The following KATNAL2 variants were observed in gnomAD, a reference collection of about 807,000 sequenced individuals.
KATNAL2 encodes the protein katanin p60 ATPase-containing subunit A-like 2.
A neutral mutation model predicts 76.3 loss-of-function variants in KATNAL2; 52 were observed. The ratio of observed to expected loss-of-function variants is 0.68; its 90% CI spans 0.55 to 0.86. The LOEUF is 0.86. Among genes scored for constraint, KATNAL2 ranks in the 40% least tolerant of loss-of-function variants. KATNAL2 has a pLI of 0.00. For missense variants in KATNAL2, 660 were observed against 668.9 expected (o/e 0.99, Z 0.15); for synonymous variants, 243 against 244.2 (o/e 1.00, Z 0.05).
chr18:47,038,672 C>T (rs1353032671), intron 3 of KATNAL2, among the ~76,000 whole-genome samples: 1 of 152,040 alleles, frequency 6.6e-6, no homozygotes, highest in Non-Finnish European at 1.5e-5. Context: ...AATACCTTAC[C>T]AAATCTGGAT....
intron 11 of KATNAL2, among the ~76,000 whole-genome samples, chr18:47,068,195 T>G (rs906484916): frequency 6.6e-6 from 1 of 152,244 alleles, no homozygotes; most frequent in African/African-American, 2.4e-5. Flanking sequence ...CATTTCTTGA[T>G]GAAAGGAGCT....
At chr18:46,928,463 A>G (rs1033146535) in intron 1 of KATNAL2, among the ~76,000 whole-genome samples, 1 of 152,096 alleles carries the variant, frequency 6.6e-6, no homozygotes, top group Non-Finnish European at 1.5e-5. Context: ...TCAGAAGAGT[A>G]CCTGGCCGTG....
intron 3 of KATNAL2, among the ~76,000 whole-genome samples, chr18:46,948,404 GC>G (rs2059445302): frequency 1.3e-5 from 2 of 150,524 alleles, no homozygotes; most frequent in Non-Finnish European, 3.0e-5. Context: ...GAACCAACAT[GC>G]CTGGCCGACT....
At position 47,095,049 on chromosome 18, in the gene KATNAL2, C is replaced by T. The variant is rs778889063; in HGVS notation, c.1212-4194C>T. 5.9e-5 allele frequency among the ~76,000 whole-genome samples: 9 copies of T among 152,308 alleles called. No homozygotes were observed. The East Asian group carries it at 1.2e-3, about 20-fold the overall frequency. ...GATTATTTCTTGACTTTCTTTACTG[C>T]TGATTTAGAAAGCAGCTTCTCAGTT... On this transcript the variant is annotated intron_variant, in intron 15 of 17. Coordinates refer to ENST00000683218, the MANE Select transcript of KATNAL2 (RefSeq NM_001387690.1).
At chr18:46,943,564 A>G (rs2059305909) in intron 1 of KATNAL2, among the ~76,000 whole-genome samples, 2 of 152,200 alleles carry the variant, frequency 1.3e-5, no homozygotes, top group African/African-American at 4.8e-5. Flanking sequence ...GTTACCCAAT[A>G]TGGTCTAAAA....
At chr18:47,033,981 C>T (rs1478848769) in intron 3 of KATNAL2, 1 of 1,613,596 alleles carries the variant, frequency 6.2e-7, no homozygotes, top group South Asian at 1.1e-5. Context: ...GAGGCAATTT[C>T]TTAGCCGAAT....
At chr18:47,063,958 G>C (rs979939452) in intron 10 of KATNAL2, among the ~76,000 whole-genome samples, 2 of 152,138 alleles carry the variant, frequency 1.3e-5, no homozygotes, top group African/African-American at 4.8e-5. Flanking sequence ...AGATTCCTGA[G>C]TTATAGGGTA....
chr18:47,053,026 T>C lies in KATNAL2; in HGVS notation c.269T>C (p.Val90Ala). The C allele has an allele frequency of 6.2e-7, 1 of 1,604,430 alleles. No homozygotes were observed. Among genetic ancestry groups the C allele is most frequent in the African/African-American group, 1.3e-5 (1 of 74,630 alleles). The change falls in exon 5 of 18, where the codon GTC becomes GCC. Residue 90 changes from valine (V) to alanine (A), a missense_variant. Physicochemically the swap from Val to Ala is moderately conservative, Grantham distance 64. Transcript: ENST00000683218. ...FVKFQKYPKI[V>A]KKSSDTAENN... ...AAATTTCAGAAATACCCCAAAATTG[T>C]CAAAAAGTCATCAGACACAGGTACA...
intron 1 of KATNAL2, among the ~76,000 whole-genome samples, chr18:46,919,597 T>C (rs967938796): frequency 1.5e-4 from 22 of 151,558 alleles, no homozygotes; most frequent in Non-Finnish European, 1.2e-4. Context: ...TGCAGTGAGC[T>C]GCGATCGCAC....
At chr18:46,920,495 A>G (rs1316922297) in intron 1 of KATNAL2, among the ~76,000 whole-genome samples, 1 of 152,156 alleles carries the variant, frequency 6.6e-6, no homozygotes, top group Non-Finnish European at 1.5e-5. Flanking sequence ...CTGCCTCTGT[A>G]CTGGCCAGTT....
At position 47,100,137 on chromosome 18, in the gene KATNAL2, A is replaced by G. The variant is rs1210132368; in HGVS notation, c.1375-117A>G. The G allele has an allele frequency of 7.4e-6, 5 of 680,012 alleles. No homozygotes were observed. The East Asian group carries it at 1.3e-4, about 18-fold the overall frequency. The allele number at this position is 680,012 out of a possible 1,614,324, so 42.1% of individuals were successfully genotyped here. ...ATCTGGGAATCTTTTTAGGATGTTC[A>G]TGGGTGACAGATACAGAATCTACAC... On this transcript the variant is annotated intron_variant, in intron 16 of 17. Coordinates refer to ENST00000683218, the MANE Select transcript of KATNAL2 (RefSeq NM_001387690.1).
chr18:46,928,830 C>T (rs541188021), intron 1 of KATNAL2, among the ~76,000 whole-genome samples: 56 of 152,210 alleles, frequency 3.7e-4, no homozygotes, highest in Non-Finnish European at 4.0e-4. Context: ...GAGTCTCACT[C>T]TGTTGCCCAG....
rs1314411444 is a variant in KATNAL2 at position 47,059,626 on chromosome 18, G to C, written c.521G>C (p.Ser174Thr). 1.2e-6 allele frequency: 2 copies of C among 1,613,610 alleles called. No homozygotes were observed. The highest frequency in any genetic ancestry group is 1.3e-5 in the African/African-American group (1 of 75,054). ...GLHISRIRKD[S>T]GEENAHPRRG... ...CATATATCAAGAATCCGTAAAGACA[G>C]TGGAGAGGAAAATGCCCACCCACGA... The change falls in exon 8 of 18, where the codon AGT (serine) becomes ACT (threonine). Residue 174 changes from serine to threonine, a missense_variant. By Grantham distance (58) the Ser-to-Thr change is moderately conservative. Transcript: ENST00000683218.
At chr18:47,041,325 C>A (rs1010369092) in intron 3 of KATNAL2, among the ~76,000 whole-genome samples, 1 of 152,126 alleles carries the variant, frequency 6.6e-6, no homozygotes, top group African/African-American at 2.4e-5. Context: ...AGAATGGTTT[C>A]GCTGCCCTAG....
chr18:46,928,783 A>T (rs571954149), intron 1 of KATNAL2, among the ~76,000 whole-genome samples: 1 of 151,858 alleles, frequency 6.6e-6, no homozygotes, highest in East Asian at 1.9e-4. Context: ...ACCAGAAACA[A>T]CTTTTGATCT....
chr18:46,926,042 G>A (rs946747087), intron 1 of KATNAL2, among the ~76,000 whole-genome samples: 2 of 152,072 alleles, frequency 1.3e-5, no homozygotes, highest in African/African-American at 4.8e-5. Context: ...CCAGCTCCTG[G>A]ATTCATTAAT....
chr18:47,033,242 C>T, intron 3 of KATNAL2: 1 of 1,613,790 alleles, frequency 6.2e-7, no homozygotes, highest in African/African-American at 1.3e-5. Context: ...GGCTTGGAGG[C>T]TGGCTTGATC....
At chr18:47,054,720 C>G (rs772909370) in intron 6 of KATNAL2, 1 of 352,196 alleles carries the variant, frequency 2.8e-6, no homozygotes, top group South Asian at 7.9e-5. Context: ...TTAAAAGACC[C>G]AGGTTCAACT....
intron 15 of KATNAL2, among the ~76,000 whole-genome samples, chr18:47,078,917 G>A (rs148837089): frequency 0.012 from 1,791 of 152,174 alleles, 14 homozygotes; most frequent in Middle Eastern, 0.024. Flanking sequence ...ATGTGCTTTT[G>A]AGCTTATGTT....
Sources: allele counts gnomAD v4.1 joint callset (sites outside exome capture counted in the v4.1 genomes callset), GRCh38; gene constraint gnomAD v4.1.1; transcripts MANE v1.5; gene names NCBI Gene and HGNC (gene_info 2026-07-23, HGNC 2026-07-21).